Variants in JAG1 observed in about 807,000 individuals in gnomAD.
JAG1 encodes protein jagged-1.
In JAG1, 23 loss-of-function variants were observed where a neutral mutation model predicts 148.7. That is an observed-to-expected ratio of 0.15 (90% CI 0.11 to 0.22). The LOEUF (loss-of-function observed/expected upper bound fraction) is 0.22. Among genes scored for constraint, JAG1 ranks in the 10% least tolerant of loss-of-function variants. The pLI is 1.00. For missense variants in JAG1, 1,054 were observed against 1,611.2 expected (o/e 0.65, Z 5.92); for synonymous variants, 572 against 598.3 (o/e 0.96, Z 0.64).
At chr20:10,643,246 G>A (rs2067285469) in intron 20 of JAG1, among the ~76,000 whole-genome samples, 1 of 152,176 alleles carries the variant, frequency 6.6e-6, no homozygotes, top group Admixed American at 6.5e-5. Context: ...TTCTGTAAGA[G>A]AAAGGGCTTG....
Position 10,640,913 on chromosome 20 carries a change from A to G in JAG1, c.3069T>C (p.Asp1023=), listed in dbSNP as rs763718072. The G allele has an allele frequency of 1.2e-6, 2 of 1,614,070 alleles. No individual in the cohort carries two copies. Among genetic ancestry groups the G allele is most frequent in the African/African-American group, 2.7e-5 (2 of 74,938 alleles). ...HVAISAEDIR[D]DGNPIKEITD... is the part of the protein sequence containing the mutation. ...TGATTTCCTTGATCGGGTTCCCATC[A>G]TCCCGTATATCTTCAGCAGACTGGA... Residue 1023 remains aspartate, a synonymous_variant, in exon 25 of 26, where the codon GAT becomes GAC. Transcript: ENST00000254958.
intron 4 of JAG1, 75 bp from the exon 5 acceptor site, chr20:10,656,533 T>C (rs2067380565): frequency 7.9e-7 from 1 of 1,262,634 alleles, no homozygotes; most frequent in Non-Finnish European, 1.2e-6. Context: ...AATGGCCCAT[T>C]GCATTAAAGT....
At chr20:10,653,243 A>G (rs3790157) in intron 5 of JAG1, among the ~76,000 whole-genome samples, 4,393 of 150,814 alleles carry the variant, frequency 0.029, 123 homozygotes, top group East Asian at 0.13. Flanking sequence ...ACTGTGTGCT[A>G]ATTTATAGTG....
intron 5 of JAG1, among the ~76,000 whole-genome samples, chr20:10,655,908 G>C (rs964980837): frequency 3.3e-5 from 5 of 152,120 alleles, no homozygotes; most frequent in Non-Finnish European, 7.3e-5. Flanking sequence ...AGATTCCAGG[G>C]CAGCCATTAA....
Position 10,638,101 on chromosome 20 carries a change from T to C in JAG1, c.*1397A>G, listed in dbSNP as rs2067245085. On this transcript the variant is annotated 3_prime_UTR_variant, in exon 26 of 26. Coordinates refer to ENST00000254958, the MANE Select transcript of JAG1 (RefSeq NM_000214.3). The stretch of plus-strand genomic sequence containing the variant: ...GACAATACAAAGTATCTTCACGGTC[T>C]CAATGGTGAACCAACAAGATTACTC... 8 of 152,692 alleles carry C rather than the reference T, an allele frequency of 5.2e-5. No individual in the cohort carries two copies. In the South Asian group the frequency reaches 1.7e-3, roughly 32 times the overall value. 9.5% of individuals were successfully genotyped at this position (152,692 alleles called of 1,614,324 possible).
chr20:10,655,906 G>A (rs991601938), intron 5 of JAG1, among the ~76,000 whole-genome samples: 1 of 152,144 alleles, frequency 6.6e-6, no homozygotes, highest in African/African-American at 2.4e-5. Flanking sequence ...CAAGATTCCA[G>A]GGCAGCCATT....
rs33952645 is a variant in JAG1 at position 10,656,872 on chromosome 20, T to TA, written c.695-415dup. ...ACACATTCAGATGAGCCTCAGCCTT[T>TA]AAAAAAAAAAAAAAAAAAAAAAACA... On this transcript the variant is annotated intron_variant, in intron 4 of 25. Transcript: ENST00000254958. 1.0e-2 allele frequency among the ~76,000 whole-genome samples: 1,129 copies of TA among 113,310 alleles called. 11 individuals are homozygous for TA. The highest frequency in any genetic ancestry group is 0.051 in the East Asian group (205 of 4,040). The allele number at this position is 113,310 out of a possible 152,430, so 74.3% of individuals were successfully genotyped here.
chr20:10,654,130 G>A (rs530273884), intron 5 of JAG1, among the ~76,000 whole-genome samples: 102 of 152,314 alleles, frequency 6.7e-4, no homozygotes, highest in African/African-American at 2.4e-3. Flanking sequence ...TTACGAAATG[G>A]CAATATTCTC....
chr20:10,664,770 A>G (rs1385311211), intron 2 of JAG1, among the ~76,000 whole-genome samples: 2 of 152,222 alleles, frequency 1.3e-5, no homozygotes, highest in Non-Finnish European at 2.9e-5. Context: ...TTCCAAGAAT[A>G]ATCAGAGTCT....
chr20:10,668,392 G>A (rs2067471440), intron 2 of JAG1, among the ~76,000 whole-genome samples: 1 of 152,226 alleles, frequency 6.6e-6, no homozygotes, highest in South Asian at 2.1e-4. Context: ...TCCTAGGCTT[G>A]AAGGATGGGG....
chr20:10,667,470 A>G (rs2067462778), intron 2 of JAG1, among the ~76,000 whole-genome samples: 1 of 152,228 alleles, frequency 6.6e-6, no homozygotes, highest in African/African-American at 2.4e-5. Context: ...AGAGTATAAA[A>G]TATTCCAGTC....
intron 8 of JAG1, chr20:10,650,761 C>G (rs2067340441): frequency 3.8e-6 from 1 of 264,564 alleles, no homozygotes; most frequent in Non-Finnish European, 7.4e-6. Context: ...CATTTGCTTA[C>G]AGAGTTTGCC....
chr20:10,641,125 T>C lies in JAG1; in HGVS notation c.3036A>G (p.Ile1012Met), dbSNP rs147552361. 3 of 1,614,130 alleles carry C rather than the reference T, an allele frequency of 1.9e-6. No individual in the cohort carries two copies. The highest frequency in any genetic ancestry group is 2.5e-6 in the Non-Finnish European group (3 of 1,180,028). Residue 1012 changes from isoleucine to methionine, a missense_variant, in exon 24 of 26, where the codon ATA (isoleucine) becomes ATG (methionine). Physicochemically the swap from Ile to Met is conservative, Grantham distance 10. Transcript: ENST00000254958. ...GTCTTATACTTACAATGGCCACATG[T>C]ATTTCATTGTTCGCTGAAGGGGAAG... ...CEPSPSANNE[I>M]HVAISAEDIR... is the part of the protein sequence containing the mutation.
intron 3 of JAG1, among the ~76,000 whole-genome samples, chr20:10,660,694 C>T (rs930528625): frequency 7.2e-5 from 11 of 152,192 alleles, no homozygotes; most frequent in African/African-American, 2.7e-4. Context: ...TTCACACCTG[C>T]TCAGGGAGGG....
In JAG1 at chr20:10,645,498, A is replaced by T. The variant is rs750604236; in HGVS notation, c.2000-29T>A. ...GAATCAAAGGGGAGACAATCGGCTGAAGACGAGATCCAGGACCATTCACGA... is the reference window on the plus strand; with the variant it reads ...GAATCAAAGGGGAGACAATCGGCTGTAGACGAGATCCAGGACCATTCACGA... On this transcript the variant is annotated intron_variant, in intron 15 of 25. Coordinates refer to ENST00000254958, the MANE Select transcript of JAG1 (RefSeq NM_000214.3). The surrounding 1 kb of genome is among the most constrained non-coding windows in gnomAD (Gnocchi z 6.1). 1 of 1,571,386 alleles carries T rather than the reference A, an allele frequency of 6.4e-7. No homozygotes were observed. Among genetic ancestry groups the T allele is most frequent in the Non-Finnish European group, 8.8e-7 (1 of 1,141,896 alleles).
At chr20:10,644,134 G>A (rs895369771) in intron 19 of JAG1, among the ~76,000 whole-genome samples, 3 of 152,122 alleles carry the variant, frequency 2.0e-5, no homozygotes, top group African/African-American at 7.2e-5. Context: ...TCTAAATGAG[G>A]ACACAACCTG....
At chr20:10,660,629 C>A (rs139263982) in intron 3 of JAG1, among the ~76,000 whole-genome samples, 1 of 152,288 alleles carries the variant, frequency 6.6e-6, no homozygotes, top group Non-Finnish European at 1.5e-5. Context: ...CGGGAAGTGT[C>A]GTGCAGAGGA....
chr20:10,645,843 C>A lies in JAG1; in HGVS notation c.1999+128G>T. ...AAATGAGACACAAGTGATACTGTCC[C>A]AGTGCAGAAATCACTGCGGTCTTGC... On this transcript the variant is annotated intron_variant, in intron 15 of 25. Transcript: ENST00000254958. The surrounding 1 kb of genome is among the most constrained non-coding windows in gnomAD (Gnocchi z 6.1). 1.3e-6 allele frequency: 1 copy of A among 770,246 alleles called. No homozygotes were observed. The highest frequency in any genetic ancestry group is 2.4e-6 in the Non-Finnish European group (1 of 423,558). The allele number at this position is 770,246 out of a possible 1,614,324, so 47.7% of individuals were successfully genotyped here.
chr20:10,662,041 T>C (rs1568802491), intron 3 of JAG1, among the ~76,000 whole-genome samples: 2 of 152,208 alleles, frequency 1.3e-5, no homozygotes, highest in African/African-American at 4.8e-5. Flanking sequence ...TGGTTTTGAC[T>C]GTGCTGAATT....
Sources: gnomAD v4.1 joint callset for allele counts (sites outside exome capture counted in the v4.1 genomes callset) on GRCh38, gnomAD v4.1.1 for gene constraint, Gnocchi (gnomAD v3.1) non-coding constraint, MANE v1.5 for transcripts, NCBI Gene and HGNC (gene_info 2026-07-23, HGNC 2026-07-21) for gene names.